The following AFF1 variants were observed in gnomAD, a reference collection of about 807,000 sequenced individuals.
The protein encoded by AFF1 is AF4/FMR2 family member 1.
In AFF1, 48 loss-of-function variants were observed where a neutral mutation model predicts 121.7. The ratio of observed to expected loss-of-function variants is 0.39; its 90% confidence interval spans 0.31 to 0.50. AFF1 has a LOEUF of 0.50. Ranked by LOEUF, AFF1 falls within the 20% of genes least tolerant of loss-of-function variation. The probability of loss-of-function intolerance (pLI) is 0.76; values close to 1 mark genes in which losing one functional copy is unlikely to be tolerated. For missense variants in AFF1, 1,523 were observed against 1,511.7 expected (o/e 1.01, Z -0.12); for synonymous variants, 613 against 563.0 (o/e 1.09, Z -1.26).
chr4:87,035,370 G>A (rs1260129850), intron 2 of AFF1, among the ~76,000 whole-genome samples: 2 of 152,108 alleles, frequency 1.3e-5, no homozygotes, highest in African/African-American at 4.8e-5. Context: ...GACCATCCTG[G>A]CTAACATGGT....
intron 2 of AFF1, among the ~76,000 whole-genome samples, chr4:87,004,707 ATTTCAGAT>A (rs1326273621): frequency 2.0e-5 from 3 of 152,146 alleles, no homozygotes; most frequent in African/African-American, 7.2e-5. Context: ...AGCATTTTGG[ATTTCAGAT>A]TTTCAGATTT....
intron 2 of AFF1, among the ~76,000 whole-genome samples, chr4:87,029,214 A>G (rs1488347734): frequency 6.6e-6 from 1 of 152,172 alleles, no homozygotes; most frequent in Admixed American, 6.5e-5. Flanking sequence ...GTAAGAGAAT[A>G]GTTGGGAATC....
At chr4:86,946,233 C>G (rs1282315588) in intron 1 of AFF1, among the ~76,000 whole-genome samples, 1 of 152,164 alleles carries the variant, frequency 6.6e-6, no homozygotes, top group Non-Finnish European at 1.5e-5. Context: ...AACCGCAATA[C>G]CCTACCTTGA....
intron 4 of AFF1, among the ~76,000 whole-genome samples, chr4:87,069,517 T>TCCCCTCCTCTGTCTCC: frequency 7.3e-6 from 1 of 136,294 alleles, no homozygotes; most frequent in African/African-American, 3.1e-5. Flanking sequence ...TTCTCTCCTC[T>TCCCCTCCTCTGTCTCC]CCCCTCCTCT....
chr4:87,117,170 T>C (rs1444935942), intron 12 of AFF1, among the ~76,000 whole-genome samples: 2 of 152,224 alleles, frequency 1.3e-5, no homozygotes, highest in Non-Finnish European at 2.9e-5. Flanking sequence ...AGCTTGTGGC[T>C]CTAGAAAGGG....
chr4:86,956,333 A>T (rs1196580341), intron 2 of AFF1, among the ~76,000 whole-genome samples: 2 of 152,240 alleles, frequency 1.3e-5, no homozygotes, highest in African/African-American at 4.8e-5. Flanking sequence ...CTGAGGAAAT[A>T]TTTTTTTGGA....
intron 2 of AFF1, among the ~76,000 whole-genome samples, chr4:87,019,496 G>T (rs1003059589): frequency 1.3e-5 from 2 of 152,202 alleles, no homozygotes; most frequent in Admixed American, 6.5e-5. Flanking sequence ...GAAGGGTGTT[G>T]GTTGATTTAG....
At chr4:87,029,072 A>T (rs1200648291) in intron 2 of AFF1, among the ~76,000 whole-genome samples, 3 of 152,204 alleles carry the variant, frequency 2.0e-5, no homozygotes, top group Non-Finnish European at 4.4e-5. Flanking sequence ...CAGGGGCCCC[A>T]GACTGAAATC....
intron 2 of AFF1, among the ~76,000 whole-genome samples, chr4:87,019,890 G>GGT (rs1553918054): frequency 7.7e-5 from 9 of 117,544 alleles, no homozygotes; most frequent in African/African-American, 1.9e-4. Flanking sequence ...GGGTCGGGGG[G>GGT]GGGCAGTCTT....
At chr4:87,089,655 A>G (rs1427817812) in intron 5 of AFF1, among the ~76,000 whole-genome samples, 3 of 152,316 alleles carry the variant, frequency 2.0e-5, no homozygotes, top group South Asian at 2.1e-4. Context: ...CCTGTCACCT[A>G]CAGTCTTCAC....
chr4:87,101,940 A>G (rs1725473116), intron 8 of AFF1, among the ~76,000 whole-genome samples: 1 of 152,248 alleles, frequency 6.6e-6, no homozygotes, highest in African/African-American at 2.4e-5. Flanking sequence ...GGGCAAGCCC[A>G]GTACTAAGAA....
At chr4:86,956,929 A>G (rs1043282826) in intron 2 of AFF1, among the ~76,000 whole-genome samples, 4 of 152,154 alleles carry the variant, frequency 2.6e-5, no homozygotes, top group African/African-American at 7.2e-5. Context: ...CCTCTAAGGT[A>G]GGTTTCTGTT....
intron 2 of AFF1, among the ~76,000 whole-genome samples, chr4:86,952,719 C>T (rs1393282379): frequency 7.1e-6 from 1 of 141,286 alleles, no homozygotes; most frequent in East Asian, 2.1e-4. Context: ...GATGGAGTCT[C>T]ACTCTGTCCC....
chr4:87,080,933 CTT>C (rs1723101783), intron 4 of AFF1, among the ~76,000 whole-genome samples: 1 of 152,092 alleles, frequency 6.6e-6, no homozygotes, highest in South Asian at 2.1e-4. Context: ...AGTAGCCTCT[CTT>C]TTAAATGTAG....
intron 2 of AFF1, among the ~76,000 whole-genome samples, chr4:87,009,741 G>A (rs1008121348): frequency 1.3e-5 from 2 of 152,168 alleles, no homozygotes; most frequent in African/African-American, 4.8e-5. Context: ...GATATTTTGG[G>A]ATTTCAGGGA....
At chr4:87,030,186 A>G (rs901735194) in intron 2 of AFF1, among the ~76,000 whole-genome samples, 1 of 152,042 alleles carries the variant, frequency 6.6e-6, no homozygotes, top group African/African-American at 2.4e-5. Context: ...GGACTAGTCC[A>G]GGGGTCAACA....
chr4:87,106,998 AAGAAG>A (rs1375242947), intron 10 of AFF1, among the ~76,000 whole-genome samples: 2 of 152,182 alleles, frequency 1.3e-5, no homozygotes, highest in African/African-American at 2.4e-5. Flanking sequence ...GAAAAGGAAA[AAGAAG>A]AGACCAAGCG....
At chr4:87,030,832 A>C (rs987025388) in intron 2 of AFF1, among the ~76,000 whole-genome samples, 1 of 151,962 alleles carries the variant, frequency 6.6e-6, no homozygotes, top group Non-Finnish European at 1.5e-5. Flanking sequence ...GTGCTGAGTG[A>C]CTCGCATTCC....
chr4:87,095,883 T>G (rs1425085504), intron 8 of AFF1, among the ~76,000 whole-genome samples: 1 of 152,168 alleles, frequency 6.6e-6, no homozygotes, highest in African/African-American at 2.4e-5. Flanking sequence ...GATCTGTCAC[T>G]AACTCTGTGT....
Sources: allele counts gnomAD v4.1 joint callset (sites outside exome capture counted in the v4.1 genomes callset), GRCh38; gene constraint gnomAD v4.1.1; transcripts MANE v1.5; gene names NCBI Gene and HGNC (gene_info 2026-07-23, HGNC 2026-07-21).